The following FOXP1 variants were observed in gnomAD, a reference collection of about 807,000 sequenced individuals.
FOXP1 encodes forkhead box P1, also known as forkhead box protein P1.
FOXP1 carries 15 observed loss-of-function variants against 98.2 expected under a neutral mutation model. The ratio of observed to expected loss-of-function variants is 0.15; its 90% CI spans 0.10 to 0.24. The LOEUF is 0.24. FOXP1 is among the 10% of genes least tolerant of loss of function. The pLI, the probability that FOXP1 is intolerant of heterozygous loss-of-function variation, is 1.00. For missense variants in FOXP1, 633 were observed against 848.5 expected (o/e 0.75, Z 3.15); for synonymous variants, 371 against 314.5 (o/e 1.18, Z -1.90).
At chr3:71,014,469 A>G (rs1332474218) in intron 12 of FOXP1, among the ~76,000 whole-genome samples, 1 of 152,178 alleles carries the variant, frequency 6.6e-6, no homozygotes. Flanking sequence ...TTAGAATGGC[A>G]ATCATTAAAA....
intron 3 of FOXP1, among the ~76,000 whole-genome samples, chr3:71,475,785 T>C (rs948752565): frequency 6.6e-6 from 1 of 151,928 alleles, no homozygotes; most frequent in Non-Finnish European, 1.5e-5. Flanking sequence ...GAGGTTGCAG[T>C]GAGCTGAGAT....
intron 3 of FOXP1, among the ~76,000 whole-genome samples, chr3:71,437,143 T>C (rs1476426697): frequency 5.3e-5 from 8 of 152,160 alleles, no homozygotes; most frequent in Non-Finnish European, 1.0e-4. Flanking sequence ...CTGGGCATGA[T>C]GGCTCATTCC....
chr3:71,344,099 T>C (rs1469242587), intron 4 of FOXP1, among the ~76,000 whole-genome samples: 1 of 152,218 alleles, frequency 6.6e-6, no homozygotes, highest in Non-Finnish European at 1.5e-5. Context: ...CAACCAGTTG[T>C]GTGAGTACAT....
chr3:71,048,775 G>T (rs2049403496), intron 9 of FOXP1, among the ~76,000 whole-genome samples: 1 of 146,224 alleles, frequency 6.8e-6, no homozygotes, highest in African/African-American at 2.5e-5. Context: ...AAAGATCAGG[G>T]AATTAGCTTT....
At chr3:71,218,684 C>T (rs192792854) in intron 5 of FOXP1, among the ~76,000 whole-genome samples, 1 of 152,308 alleles carries the variant, frequency 6.6e-6, no homozygotes, top group East Asian at 1.9e-4. Flanking sequence ...TAACCCAGCC[C>T]ATCTGTAAAC....
At chr3:70,961,686 C>G (rs183054952) in intron 20 of FOXP1, among the ~76,000 whole-genome samples, 104 of 152,058 alleles carry the variant, frequency 6.8e-4, no homozygotes, top group African/African-American at 2.5e-3. Context: ...GGACTGGCTG[C>G]ATAATTTTGG....
Position 70,976,878 on chromosome 3 carries a change from A to G in FOXP1, c.1530+63T>C, listed in dbSNP as rs1012014454. 3.3e-6 allele frequency: 4 copies of G among 1,219,808 alleles called. No individual in the cohort carries two copies. In the African/African-American group the frequency reaches 4.5e-5, roughly 14 times the overall value. 75.6% of individuals were successfully genotyped at this position (1,219,808 alleles called of 1,614,324 possible). A position where few individuals can be genotyped will look rare whatever the true frequency, so the allele number is the denominator to read the frequency against. Reference sequence around the variant, plus strand: ...CTTCCTTATAGCACAACTGCATTTTATCAACAACAAACTGTTCTATGAACG... The same window carrying G: ...CTTCCTTATAGCACAACTGCATTTTGTCAACAACAAACTGTTCTATGAACG... On this transcript the variant is annotated intron_variant, in intron 17 of 20. Transcript: ENST00000649528.
At chr3:71,304,168 G>A (rs990779898) in intron 4 of FOXP1, among the ~76,000 whole-genome samples, 1 of 152,100 alleles carries the variant, frequency 6.6e-6, no homozygotes, top group Non-Finnish European at 1.5e-5. Context: ...GCCACGTGGT[G>A]CAGTAAACCC....
chr3:70,961,506 C>T (rs566517502), intron 20 of FOXP1, among the ~76,000 whole-genome samples: 1 of 152,292 alleles, frequency 6.6e-6, no homozygotes, highest in South Asian at 2.1e-4. Flanking sequence ...GCTGGGATTA[C>T]AGGCGTGAGA....
At chr3:71,439,255 A>C (rs928016731) in intron 3 of FOXP1, among the ~76,000 whole-genome samples, 1 of 152,212 alleles carries the variant, frequency 6.6e-6, no homozygotes, top group East Asian at 1.9e-4. Flanking sequence ...CCATGCATGC[A>C]AACGATTGCC....
At chr3:71,327,213 G>A (rs903754696) in intron 4 of FOXP1, among the ~76,000 whole-genome samples, 1 of 151,324 alleles carries the variant, frequency 6.6e-6, no homozygotes, top group Non-Finnish European at 1.5e-5. Flanking sequence ...ATCATTTGAG[G>A]CTGACTTTGA....
At chr3:71,233,697 G>C (rs2066534501) in intron 5 of FOXP1, among the ~76,000 whole-genome samples, 1 of 149,688 alleles carries the variant, frequency 6.7e-6, no homozygotes. Flanking sequence ...CACCCCCCCA[G>C]CTGGTGCTAT....
intron 5 of FOXP1, among the ~76,000 whole-genome samples, chr3:71,256,095 A>G (rs548401060): frequency 1.4e-4 from 21 of 152,334 alleles, no homozygotes; most frequent in Non-Finnish European, 2.4e-4. Context: ...GTATGTCATT[A>G]CATCTTTCCC....
At chr3:71,348,885 C>T (rs896184463) in intron 4 of FOXP1, among the ~76,000 whole-genome samples, 1 of 152,082 alleles carries the variant, frequency 6.6e-6, no homozygotes, top group Non-Finnish European at 1.5e-5. Context: ...TTTTGATACC[C>T]CAACTTCCCT....
chr3:71,392,641 A>C (rs1560417577), intron 3 of FOXP1, among the ~76,000 whole-genome samples: 2 of 152,200 alleles, frequency 1.3e-5, no homozygotes, highest in South Asian at 4.1e-4. Flanking sequence ...AAAATACTTA[A>C]ACTTTGGAAA....
At chr3:71,007,012 G>A (rs912528451) in intron 12 of FOXP1, among the ~76,000 whole-genome samples, 4 of 151,998 alleles carry the variant, frequency 2.6e-5, no homozygotes, top group African/African-American at 9.7e-5. Context: ...ATCACTAGAG[G>A]GCACTGTGGT....
intron 7 of FOXP1, among the ~76,000 whole-genome samples, chr3:71,088,378 G>T (rs1018890545): frequency 6.7e-6 from 1 of 150,356 alleles, no homozygotes; most frequent in African/African-American, 2.4e-5. Flanking sequence ...ACAACATGTG[G>T]TGATACATTG....
intron 4 of FOXP1, among the ~76,000 whole-genome samples, chr3:71,335,757 C>A (rs2076624187): frequency 6.6e-6 from 1 of 152,054 alleles, no homozygotes; most frequent in Admixed American, 6.6e-5. Flanking sequence ...ATAATCTTAG[C>A]ACTTTGGGAG....
intron 3 of FOXP1, among the ~76,000 whole-genome samples, chr3:71,411,017 T>A (rs1326296560): frequency 6.6e-6 from 1 of 152,208 alleles, no homozygotes; most frequent in East Asian, 1.9e-4. Flanking sequence ...TAGGGCTTTC[T>A]TTAGGAACTC....
Sources: allele counts gnomAD v4.1 joint callset (sites outside exome capture counted in the v4.1 genomes callset), GRCh38; gene constraint gnomAD v4.1.1; transcripts MANE v1.5; gene names NCBI Gene and HGNC (gene_info 2026-07-23, HGNC 2026-07-21).